UBE2D2: variants seen among roughly 807,000 people sequenced by gnomAD.
UBE2D2 encodes the protein ubiquitin conjugating enzyme E2 D2.
In UBE2D2, 2 loss-of-function variants were observed where a neutral mutation model predicts 24.2. The observed-to-expected ratio is 0.08, with a 90% confidence interval of 0.03 to 0.26. UBE2D2 has a LOEUF of 0.26. Among genes scored for constraint, UBE2D2 ranks in the 10% least tolerant of loss-of-function variants. The probability of loss-of-function intolerance (pLI) is 1.00; values close to 1 mark genes in which losing one functional copy is unlikely to be tolerated. For synonymous variants in UBE2D2, 58 were observed against 56.5 expected (o/e 1.03, Z -0.12); for missense variants, 44 against 177.6 (o/e 0.25, Z 4.28).
chr5:139,589,192 A>G (rs572428512), intron 1 of UBE2D2, among the ~76,000 whole-genome samples: 1 of 152,060 alleles, frequency 6.6e-6, no homozygotes, highest in Non-Finnish European at 1.5e-5. Context: ...CCAGGAATTC[A>G]AGGATACAGT....
intron 1 of UBE2D2, among the ~76,000 whole-genome samples, chr5:139,593,857 C>G (rs140502144): frequency 1.6e-3 from 237 of 152,294 alleles, no homozygotes; most frequent in African/African-American, 5.5e-3. Context: ...CTCAAGCCAT[C>G]CTCCCACCTT....
intron 1 of UBE2D2, among the ~76,000 whole-genome samples, chr5:139,595,889 GTTGT>G (rs1753948399): frequency 8.8e-6 from 1 of 113,012 alleles, no homozygotes; most frequent in Non-Finnish European, 1.8e-5. Context: ...TTTGTTTTTT[GTTGT>G]TTTTTTTTTT....
intron 1 of UBE2D2, among the ~76,000 whole-genome samples, chr5:139,579,367 G>A (rs1210333234): frequency 1.3e-5 from 2 of 152,080 alleles, no homozygotes; most frequent in Non-Finnish European, 2.9e-5. Context: ...GGCTGGTCTC[G>A]AACTCCCGAC....
chr5:139,570,472 C>G lies in UBE2D2; in HGVS notation c.24+8657C>G, dbSNP rs1753328785. Among the ~76,000 whole-genome samples, 2 of 152,122 alleles carry G rather than the reference C, an allele frequency of 1.3e-5. 1 individual carries two copies. Among genetic ancestry groups the G allele is most frequent in the Admixed American group, 1.3e-4 (2 of 15,250 alleles). On this transcript the variant is annotated intron_variant, in intron 1 of 6. Coordinates refer to ENST00000398733, the MANE Select transcript of UBE2D2 (RefSeq NM_003339.3). ...TCTCCTGCCTCAGCCTCCCAAGTTG[C>G]TGGGACCACAGGTGCATGCCACCAC...
chr5:139,592,007 G>A (rs1209500709), intron 1 of UBE2D2, among the ~76,000 whole-genome samples: 1 of 152,058 alleles, frequency 6.6e-6, no homozygotes, highest in East Asian at 1.9e-4. Flanking sequence ...CTCAAGACCG[G>A]CCTGGACAAC....
intron 1 of UBE2D2, among the ~76,000 whole-genome samples, chr5:139,584,652 C>T (rs1753686261): frequency 6.7e-6 from 1 of 150,020 alleles, no homozygotes; most frequent in African/African-American, 2.5e-5. Flanking sequence ...CCTGCCTCAG[C>T]CTCCCTAGTA....
chr5:139,586,542 G>T (rs930944556), intron 1 of UBE2D2, among the ~76,000 whole-genome samples: 4 of 152,162 alleles, frequency 2.6e-5, no homozygotes, highest in African/African-American at 9.7e-5. Context: ...GAGGCGGGCG[G>T]ATCACGAGGT....
chr5:139,574,563 G>A (rs765061315), intron 1 of UBE2D2, among the ~76,000 whole-genome samples: 16 of 152,064 alleles, frequency 1.1e-4, no homozygotes, highest in African/African-American at 3.9e-4. Context: ...GGCAGTCAGA[G>A]TTCAACTGTA....
At chr5:139,610,540 A>G (rs1376029692) in intron 2 of UBE2D2, among the ~76,000 whole-genome samples, 1 of 149,936 alleles carries the variant, frequency 6.7e-6, no homozygotes, top group African/African-American at 2.5e-5. Flanking sequence ...ACTCCGTCTC[A>G]AAAAAAAAAT....
chr5:139,558,462 G>A (rs369569453), upstream of UBE2D2, among the ~76,000 whole-genome samples: 39 of 152,168 alleles, frequency 2.6e-4, no homozygotes, highest in East Asian at 7.0e-3. Context: ...CTAATTTTTT[G>A]TATTTTTGGT....
chr5:139,533,886 G>A (rs1369404647), intron 1 of UBE2D2, among the ~76,000 whole-genome samples: 1 of 149,952 alleles, frequency 6.7e-6, no homozygotes, highest in South Asian at 2.1e-4. Context: ...GGGTTCAAGC[G>A]ATTCTCCTGC....
chr5:139,569,816 C>G (rs1427609660), intron 1 of UBE2D2, among the ~76,000 whole-genome samples: 1 of 152,154 alleles, frequency 6.6e-6, no homozygotes, highest in East Asian at 1.9e-4. Flanking sequence ...ATGTGTTATC[C>G]TTACATAGCT....
chr5:139,526,982 G>A (rs929253415), intron 1 of UBE2D2, among the ~76,000 whole-genome samples: 1 of 152,086 alleles, frequency 6.6e-6, no homozygotes, highest in Non-Finnish European at 1.5e-5. Context: ...AGTATGTGTG[G>A]TGTGAGCATG....
At chr5:139,554,856 T>G (rs1465897356) in intron 1 of UBE2D2, 2 of 152,190 alleles carry the variant, frequency 1.3e-5, no homozygotes, top group East Asian at 3.8e-4. Context: ...GTTTTTTATT[T>G]TAGCCATTCT....
intron 2 of UBE2D2, among the ~76,000 whole-genome samples, chr5:139,606,176 T>G (rs917945388): frequency 9.2e-5 from 14 of 152,154 alleles, no homozygotes; most frequent in East Asian, 5.8e-4. Context: ...TTGTTTGTTT[T>G]TTTGAGATGG....
intron 5 of UBE2D2, among the ~76,000 whole-genome samples, chr5:139,618,131 C>T (rs1754452548): frequency 6.6e-6 from 1 of 151,960 alleles, no homozygotes; most frequent in Non-Finnish European, 1.5e-5. Flanking sequence ...TGTACCACCA[C>T]GCCCAGATAA....
At chr5:139,569,998 C>G (rs1337933676) in intron 1 of UBE2D2, among the ~76,000 whole-genome samples, 1 of 152,120 alleles carries the variant, frequency 6.6e-6, no homozygotes, top group African/African-American at 2.4e-5. Context: ...TGGCTCATGC[C>G]TGTAATCCCA....
intron 1 of UBE2D2, among the ~76,000 whole-genome samples, chr5:139,582,281 G>A (rs1444765361): frequency 7.3e-6 from 1 of 137,762 alleles, no homozygotes; most frequent in Non-Finnish European, 1.6e-5. Flanking sequence ...TTTTTTTTTT[G>A]AGATGGAGTT....
At chr5:139,541,630 T>C (rs1238797601) in intron 1 of UBE2D2, among the ~76,000 whole-genome samples, 3 of 139,190 alleles carry the variant, frequency 2.2e-5, no homozygotes, top group Non-Finnish European at 4.6e-5. Context: ...AAGGTACACA[T>C]AGGGCTCAAT....
Sources: allele counts gnomAD v4.1 joint callset (sites outside exome capture counted in the v4.1 genomes callset), GRCh38; gene constraint gnomAD v4.1.1; transcripts MANE v1.5; gene names NCBI Gene and HGNC (gene_info 2026-07-23, HGNC 2026-07-21).